The following ADORA1 variants were observed in gnomAD, a reference collection of about 807,000 sequenced individuals.
The protein encoded by ADORA1 is adenosine A1 receptor.
ADORA1 carries 6 observed loss-of-function variants against 19.9 expected under a neutral mutation model. The observed-to-expected ratio is 0.30, with a 90% CI of 0.17 to 0.59. The LOEUF is 0.59. Among genes scored for constraint, ADORA1 ranks in the 20% least tolerant of loss-of-function variants. The pLI, the probability that ADORA1 is intolerant of heterozygous loss-of-function variation, is 0.87. For synonymous variants in ADORA1, 194 were observed against 188.4 expected (o/e 1.03, Z -0.24); for missense variants, 302 against 439.2 (o/e 0.69, Z 2.79).
chr1:203,136,734 C>T (rs1346533272), intron 3 of ADORA1, among the ~76,000 whole-genome samples: 1 of 152,214 alleles, frequency 6.6e-6, no homozygotes, highest in Non-Finnish European at 1.5e-5. Flanking sequence ...CCATGCAGCT[C>T]AGGTTGTGTA....
chr1:203,146,558 G>A (rs1000488657), intron 3 of ADORA1, among the ~76,000 whole-genome samples: 2 of 152,036 alleles, frequency 1.3e-5, no homozygotes, highest in South Asian at 2.1e-4. Flanking sequence ...GAGCCTGGGA[G>A]GTTGAGGCTA....
chr1:203,131,627 C>A (rs1368196071), intron 3 of ADORA1, among the ~76,000 whole-genome samples: 1 of 152,212 alleles, frequency 6.6e-6, no homozygotes, highest in Non-Finnish European at 1.5e-5. Context: ...AGCCACACAC[C>A]AGCAGTGCCT....
intron 3 of ADORA1, 123 bp downstream of exon 3, chr1:203,129,305 G>C: frequency 6.8e-7 from 1 of 1,460,972 alleles, no homozygotes; most frequent in South Asian, 1.4e-5. Context: ...GGGCCATCGT[G>C]CTCCAGTCCT....
At chr1:203,162,900 C>G (rs1655415192) in intron 3 of ADORA1, among the ~76,000 whole-genome samples, 1 of 152,224 alleles carries the variant, frequency 6.6e-6, no homozygotes, top group Admixed American at 6.5e-5. Context: ...GCCCCGTCCT[C>G]TCTGCAGTGG....
Position 203,165,690 on chromosome 1 carries a change from C to A in ADORA1, c.771C>A (p.Thr257=), listed in dbSNP as rs1195476757. 1 of 1,610,910 alleles carries A rather than the reference C, an allele frequency of 6.2e-7. No homozygotes were observed. The highest frequency in any genetic ancestry group is 8.5e-7 in the Non-Finnish European group (1 of 1,178,004). The change falls in exon 4 of 4, where the codon ACC becomes ACA. Residue 257 remains threonine, a synonymous_variant. Transcript: ENST00000337894. The surrounding 1 kb of genome is among the most constrained non-coding windows in gnomAD (Gnocchi z 5.9). The stretch of plus-strand genomic sequence containing the variant: ...CTTTGCACATCCTCAACTGCATCAC[C>A]CTCTTCTGCCCGTCCTGCCACAAGC... ...WLPLHILNCI[T]LFCPSCHKPS... is the part of the protein sequence containing the mutation.
At chr1:203,146,163 G>T (rs1211593965) in intron 3 of ADORA1, among the ~76,000 whole-genome samples, 1 of 152,004 alleles carries the variant, frequency 6.6e-6, no homozygotes, top group African/African-American at 2.4e-5. Context: ...TCAGTGTCAG[G>T]GGTGGGGGAG....
rs796965221 is a variant in ADORA1 at position 203,131,830 on chromosome 1, T to G, written c.341+2648T>G. Among the ~76,000 whole-genome samples, 19 of 152,324 alleles carry G rather than the reference T, an allele frequency of 1.2e-4. 1 individual carries two copies. Among genetic ancestry groups the G allele is most frequent in the African/African-American group, 4.6e-4 (19 of 41,580 alleles). ...TACGTGGCTGGAGTCAGCAGGCTGC[T>G]GGGTCTACGAAACTCCTCTTGGCCA... is the stretch of plus-strand genomic sequence containing the variant. On this transcript the variant is annotated intron_variant, in intron 3 of 3. Coordinates refer to ENST00000337894, the MANE Select transcript of ADORA1 (RefSeq NM_000674.3).
chr1:203,154,724 C>T (rs935272213), intron 3 of ADORA1, among the ~76,000 whole-genome samples: 20 of 152,298 alleles, frequency 1.3e-4, no homozygotes, highest in Admixed American at 1.2e-3. Flanking sequence ...AGCCCCAGGG[C>T]TTGGGAAATG....
chr1:203,148,509 AG>A (rs1376910082), intron 3 of ADORA1, among the ~76,000 whole-genome samples: 1 of 152,240 alleles, frequency 6.6e-6, no homozygotes, highest in Non-Finnish European at 1.5e-5. Context: ...ATCCCAATCC[AG>A]GTCCTCTAAT....
At position 203,128,162 on chromosome 1, in the gene ADORA1, G is replaced by A. The variant is rs1654209622; in HGVS notation, c.-212-116G>A. On this transcript the variant is annotated intron_variant, in intron 1 of 3. Transcript: ENST00000337894. This position sits in a 1 kb window ranked among gnomAD's most constrained non-coding sequence, Gnocchi z 5.9. ...GGGAGAAACGCCCCAGCCTTGTCCT[G>A]GGCTCCGTCCCCAGACCCACGTCTG... The A allele has an allele frequency of 2.4e-6, 1 of 409,700 alleles. No homozygotes were observed. The highest frequency in any genetic ancestry group is 4.3e-6 in the Non-Finnish European group (1 of 231,304). 25.4% of individuals were successfully genotyped at this position (409,700 alleles called of 1,614,324 possible). A position where few individuals can be genotyped will look rare whatever the true frequency, so the allele number is the denominator to read the frequency against.
intron 3 of ADORA1, among the ~76,000 whole-genome samples, chr1:203,130,455 C>T (rs1389574008): frequency 2.0e-5 from 3 of 152,176 alleles, no homozygotes; most frequent in African/African-American, 4.8e-5. Flanking sequence ...GGCTTGATGC[C>T]AGTCTCTCTG....
chr1:203,138,494 T>C (rs988895635), intron 3 of ADORA1, among the ~76,000 whole-genome samples: 2 of 151,908 alleles, frequency 1.3e-5, no homozygotes, highest in South Asian at 2.1e-4. Context: ...ACTCCAGACA[T>C]AGGAAGAAAA....
intron 3 of ADORA1, among the ~76,000 whole-genome samples, chr1:203,133,629 C>T (rs1654413050): frequency 6.6e-6 from 1 of 152,174 alleles, no homozygotes. Context: ...GATTTTTCTC[C>T]TCTGATCTTT....
chr1:203,137,319 G>T (rs1654542874), intron 3 of ADORA1, among the ~76,000 whole-genome samples: 2 of 152,204 alleles, frequency 1.3e-5, no homozygotes, highest in Non-Finnish European at 2.9e-5. Context: ...GGCTGAGATG[G>T]AGAGATAAAG....
At chr1:203,144,090 A>G (rs1654786580) in intron 3 of ADORA1, among the ~76,000 whole-genome samples, 2 of 149,982 alleles carry the variant, frequency 1.3e-5, no homozygotes, top group Admixed American at 6.7e-5. Flanking sequence ...TTACACACAC[A>G]CACACACACA....
Position 203,140,525 on chromosome 1 carries a change from G to A in ADORA1, c.341+11343G>A, listed in dbSNP as rs557999498. Among the ~76,000 whole-genome samples, 16 of 152,276 alleles carry A rather than the reference G, an allele frequency of 1.1e-4. No individual in the cohort carries two copies. In the South Asian group the frequency reaches 3.3e-3, roughly 32 times the overall value. On this transcript the variant is annotated intron_variant, in intron 3 of 3. Coordinates refer to ENST00000337894, the MANE Select transcript of ADORA1 (RefSeq NM_000674.3). ...ATGGAAGCACTGTGATGGCAGGGTC[G>A]CTGGTGTCTTCTCTCTTACCACTCC... is the stretch of plus-strand genomic sequence containing the variant.
At chr1:203,153,330 A>T (rs916389840) in intron 3 of ADORA1, among the ~76,000 whole-genome samples, 4 of 152,152 alleles carry the variant, frequency 2.6e-5, no homozygotes, top group African/African-American at 7.2e-5. Context: ...CAGCGCTCAG[A>T]AAGGGGCCTT....
chr1:203,135,073 C>G (rs1023688848), intron 3 of ADORA1, among the ~76,000 whole-genome samples: 13 of 152,166 alleles, frequency 8.5e-5, no homozygotes, highest in African/African-American at 2.9e-4. Context: ...ATCTCCTTCT[C>G]CTTCCAAGTC....
At chr1:203,139,490 G>A (rs544259759) in intron 3 of ADORA1, among the ~76,000 whole-genome samples, 1 of 152,342 alleles carries the variant, frequency 6.6e-6, no homozygotes, top group South Asian at 2.1e-4. Flanking sequence ...GGCTCAGGAA[G>A]TCTAGTATAA....
Sources: allele counts gnomAD v4.1 joint callset (sites outside exome capture counted in the v4.1 genomes callset), GRCh38; gene constraint gnomAD v4.1.1; non-coding constraint Gnocchi (gnomAD v3.1); transcripts MANE v1.5; gene names NCBI Gene and HGNC (gene_info 2026-07-23, HGNC 2026-07-21).